FHAD1: variants seen among roughly 807,000 people sequenced by gnomAD.
FHAD1 encodes forkhead associated phosphopeptide binding domain 1.
FHAD1 carries 146 observed loss-of-function variants against 191.3 expected under a neutral mutation model. The ratio of observed to expected loss-of-function variants is 0.76; its 90% CI spans 0.67 to 0.88. The LOEUF is 0.88. FHAD1 is among the 40% of genes least tolerant of loss of function. The probability of loss-of-function intolerance (pLI) is 0.00; values close to 1 mark genes in which losing one functional copy is unlikely to be tolerated. For synonymous variants in FHAD1, 616 were observed against 672.3 expected, an observed-to-expected ratio of 0.92 and a Z score of 1.29; for missense variants, 1,635 against 1,785.8, an observed-to-expected ratio of 0.92 and a Z score of 1.52.
chr1:15,267,905 G>A (rs548694269), intron 2 of FHAD1, among the ~76,000 whole-genome samples: 6 of 144,590 alleles, frequency 4.1e-5, no homozygotes, highest in African/African-American at 1.5e-4. Context: ...TAAAAATATG[G>A]TATATATAAA....
chr1:15,340,934 C>T (rs894718492), intron 15 of FHAD1, among the ~76,000 whole-genome samples: 5 of 152,120 alleles, frequency 3.3e-5, no homozygotes, highest in African/African-American at 9.7e-5. Flanking sequence ...GTAATCCCAG[C>T]GCTTTGGGAG....
At chr1:15,336,961 G>A (rs1684417794) in intron 14 of FHAD1, among the ~76,000 whole-genome samples, 1 of 152,124 alleles carries the variant, frequency 6.6e-6, no homozygotes. Context: ...GTCAGCCCTT[G>A]GTCCACCCCA....
At position 15,397,337 on chromosome 1, in the gene FHAD1, G is replaced by A. The variant is rs1706356512; in HGVS notation, c.4364G>A (p.Arg1455Lys). ...RKASLKMDQE[R>K]EMLRKETSSK... ...GCCTCCCTAAAGATGGACCAAGAAAGAGAGATGCTGAGGAAAGAGACCTCC... is the reference window on the plus strand; with the variant it reads ...GCCTCCCTAAAGATGGACCAAGAAAAAGAGATGCTGAGGAAAGAGACCTCC... Residue 1455 changes from arginine (R) to lysine (K), a missense_variant, in exon 34 of 34, where the codon AGA becomes AAA. By Grantham distance (26) the Arg-to-Lys change is conservative. Coordinates refer to ENST00000688493, the MANE Select transcript of FHAD1 (RefSeq NM_001391957.1). 11 of 1,545,384 alleles carry A rather than the reference G, an allele frequency of 7.1e-6. No homozygotes were observed. The highest frequency in any genetic ancestry group is 9.6e-6 in the Non-Finnish European group (11 of 1,142,812).
At chr1:15,306,137 T>C (rs373750554) in intron 6 of FHAD1, among the ~76,000 whole-genome samples, 313 of 152,330 alleles carry the variant, frequency 2.1e-3, no homozygotes, top group African/African-American at 7.1e-3. Context: ...GAGGAACTTG[T>C]TGGGAACTGG....
chr1:15,319,007 A>G, intron 10 of FHAD1, among the ~76,000 whole-genome samples: 1 of 151,648 alleles, frequency 6.6e-6, no homozygotes, highest in South Asian at 2.1e-4. Context: ...TTTTTTTTTA[A>G]TAAATAAAGA....
At chr1:15,392,334 C>T (rs1247144113) in intron 33 of FHAD1, among the ~76,000 whole-genome samples, 1 of 152,154 alleles carries the variant, frequency 6.6e-6, no homozygotes, top group South Asian at 2.1e-4. Context: ...AGATCGAGAC[C>T]ATCCTGGCTA....
chr1:15,292,766 G>T (rs969964969), intron 4 of FHAD1, among the ~76,000 whole-genome samples: 1 of 151,998 alleles, frequency 6.6e-6, no homozygotes, highest in Non-Finnish European at 1.5e-5. Flanking sequence ...GAAGCCACCC[G>T]GCCAACACCT....
At chr1:15,309,676 G>A (rs1252422324) in intron 7 of FHAD1, among the ~76,000 whole-genome samples, 7 of 149,170 alleles carry the variant, frequency 4.7e-5, no homozygotes, top group Non-Finnish European at 8.9e-5. Context: ...TTTTTTTAGC[G>A]ATTTTTTTTT....
At chr1:15,366,477 C>G (rs1275076733) in intron 24 of FHAD1, among the ~76,000 whole-genome samples, 4 of 152,184 alleles carry the variant, frequency 2.6e-5, no homozygotes, top group Non-Finnish European at 5.9e-5. Context: ...GGACTTTGGA[C>G]CTCTGCACTG....
chr1:15,278,117 T>A (rs114833437), intron 3 of FHAD1, among the ~76,000 whole-genome samples: 5 of 152,036 alleles, frequency 3.3e-5, no homozygotes, highest in African/African-American at 1.2e-4. Context: ...ATTCAGACCA[T>A]CTCCTGTTTT....
intron 3 of FHAD1, chr1:15,287,152 AAGAGGGTAGGTGG>A (rs1480513226): frequency 1.2e-4 from 19 of 152,410 alleles, no homozygotes; most frequent in African/African-American, 4.3e-4. Context: ...AAGAATGGAA[AAGAGGGTAGGTGG>A]AGAGGCTGAG....
At chr1:15,388,635 G>A (rs1015228726) in intron 32 of FHAD1, among the ~76,000 whole-genome samples, 3 of 151,902 alleles carry the variant, frequency 2.0e-5, no homozygotes, top group South Asian at 4.2e-4. Flanking sequence ...GAGGATGAAA[G>A]TGCCTCGCAT....
chr1:15,332,279 C>G (rs1168386730), intron 14 of FHAD1, among the ~76,000 whole-genome samples: 1 of 152,158 alleles, frequency 6.6e-6, no homozygotes, highest in African/African-American at 2.4e-5. Context: ...AAGACTGGAA[C>G]TAAAACAAAG....
Position 15,329,669 on chromosome 1 carries a change from C to T in FHAD1, c.1906+128C>T, listed in dbSNP as rs1028524172. 2.7e-6 allele frequency: 2 copies of T among 737,152 alleles called. No individual in the cohort carries two copies. Among genetic ancestry groups the T allele is most frequent in the Non-Finnish European group, 4.3e-6 (2 of 470,394 alleles). The allele number at this position is 737,152 out of a possible 1,614,324, so 45.7% of individuals were successfully genotyped here. A position where few individuals can be genotyped will look rare whatever the true frequency, so the allele number is the denominator to read the frequency against. On this transcript the variant is annotated intron_variant, in intron 14 of 33. Transcript: ENST00000688493. This position sits in a 1 kb window ranked among gnomAD's most constrained non-coding sequence, Gnocchi z 5.0. Reference sequence around the variant, plus strand: ...GCCAAGTCTATTCCCTTCTCCAGAACCCCCTGCTTCTCTGCTTGAGGCGTA... The same window carrying T: ...GCCAAGTCTATTCCCTTCTCCAGAATCCCCTGCTTCTCTGCTTGAGGCGTA...
intron 6 of FHAD1, among the ~76,000 whole-genome samples, chr1:15,307,054 T>G (rs1670717310): frequency 6.6e-6 from 1 of 152,172 alleles, no homozygotes; most frequent in Non-Finnish European, 1.5e-5. Context: ...GGTTGTACCC[T>G]GCAAAGCCAC....
intron 5 of FHAD1, 83 bp from the exon 6 acceptor site, chr1:15,301,122 A>C: frequency 2.4e-6 from 3 of 1,235,424 alleles, no homozygotes; most frequent in South Asian, 1.5e-5. Flanking sequence ...GAGCCACCGC[A>C]CCCGGCCCCT....
intron 2 of FHAD1, among the ~76,000 whole-genome samples, chr1:15,263,214 G>C (rs1216980918): frequency 6.6e-6 from 1 of 152,062 alleles, no homozygotes. Flanking sequence ...CCCTTTTTCA[G>C]ATATGTGATT....
intron 23 of FHAD1, among the ~76,000 whole-genome samples, chr1:15,363,429 C>T (rs1435145805): frequency 1.3e-5 from 2 of 152,204 alleles, no homozygotes; most frequent in East Asian, 3.9e-4. Context: ...TCAAACATAG[C>T]AGATCCCAAC....
intron 2 of FHAD1, among the ~76,000 whole-genome samples, chr1:15,266,219 C>T (rs1461061170): frequency 1.3e-5 from 2 of 152,044 alleles, no homozygotes; most frequent in Non-Finnish European, 2.9e-5. Flanking sequence ...AAGCAATCCT[C>T]CCACCTCAGC....
Sources: allele counts gnomAD v4.1 joint callset (sites outside exome capture counted in the v4.1 genomes callset), GRCh38; gene constraint gnomAD v4.1.1; non-coding constraint Gnocchi (gnomAD v3.1); transcripts MANE v1.5; gene names NCBI Gene and HGNC (gene_info 2026-07-23, HGNC 2026-07-21).